Variants in FBXW7 observed in about 807,000 individuals in gnomAD.
FBXW7 encodes F-box and WD repeat domain containing 7, also known as F-box/WD repeat-containing protein 7.
In FBXW7, 11 loss-of-function variants were observed where a neutral mutation model predicts 86.3. The ratio of observed to expected loss-of-function variants is 0.13; its 90% CI spans 0.08 to 0.21. The LOEUF (loss-of-function observed/expected upper bound fraction) is 0.21. FBXW7 is among the 10% of genes least tolerant of loss of function. The pLI is 1.00. For synonymous variants in FBXW7, 313 were observed against 297.9 expected, an observed-to-expected ratio of 1.05 and a Z score of -0.52; for missense variants, 488 against 847.4, an observed-to-expected ratio of 0.58 and a Z score of 5.27.
chr4:152,420,702 T>C (rs1303124972), intron 2 of FBXW7, among the ~76,000 whole-genome samples: 1 of 152,204 alleles, frequency 6.6e-6, no homozygotes, highest in African/African-American at 2.4e-5. Context: ...ACCAGGTGCA[T>C]TGTCAGTGAG....
intron 4 of FBXW7, among the ~76,000 whole-genome samples, chr4:152,368,098 C>G (rs1236859597): frequency 6.6e-6 from 1 of 151,748 alleles, no homozygotes; most frequent in African/African-American, 2.4e-5. Context: ...TTAACGCACT[C>G]TGTTATTAGT....
chr4:152,356,917 T>G (rs866191727), intron 4 of FBXW7, among the ~76,000 whole-genome samples: 4 of 152,198 alleles, frequency 2.6e-5, no homozygotes, highest in Admixed American at 6.6e-5. Context: ...GCACAGAATA[T>G]TATATACATC....
intron 4 of FBXW7, chr4:152,352,886 T>C: frequency 1.4e-6 from 2 of 1,454,556 alleles, no homozygotes; most frequent in South Asian, 1.5e-5. Context: ...GAACACAGAA[T>C]GGTGCAGTCC....
At chr4:152,511,656 T>C (rs530083493) in intron 2 of FBXW7, among the ~76,000 whole-genome samples, 24 of 152,174 alleles carry the variant, frequency 1.6e-4, no homozygotes, top group African/African-American at 5.5e-4. Context: ...TCAAAAACAA[T>C]AGCATATTCA....
At chr4:152,371,386 T>G (rs925313900) in intron 4 of FBXW7, among the ~76,000 whole-genome samples, 1 of 151,908 alleles carries the variant, frequency 6.6e-6, no homozygotes, top group Admixed American at 6.6e-5. Flanking sequence ...GAAAGTTGTT[T>G]CACAAAAATA....
chr4:152,518,686 A>T (rs1748731057), intron 2 of FBXW7, among the ~76,000 whole-genome samples: 2 of 152,252 alleles, frequency 1.3e-5, no homozygotes, highest in Non-Finnish European at 2.9e-5. Context: ...GCAAAGTTCA[A>T]ATGTATTTAA....
At chr4:152,436,525 C>T (rs568744309) in intron 2 of FBXW7, among the ~76,000 whole-genome samples, 9 of 152,316 alleles carry the variant, frequency 5.9e-5, no homozygotes, top group African/African-American at 2.2e-4. Context: ...AGATCACTGA[C>T]GAAGGTGGCT....
intron 2 of FBXW7, among the ~76,000 whole-genome samples, chr4:152,475,760 G>C (rs932476219): frequency 3.3e-5 from 5 of 152,076 alleles, no homozygotes; most frequent in African/African-American, 1.2e-4. Context: ...ACTCACAATA[G>C]CATCTGGAAA....
At chr4:152,331,588 A>G (rs750070921) in intron 8 of FBXW7, among the ~76,000 whole-genome samples, 4 of 152,022 alleles carry the variant, frequency 2.6e-5, no homozygotes, top group Non-Finnish European at 4.4e-5. Flanking sequence ...GAGTTAGAAC[A>G]GGGGGCATGG....
intron 2 of FBXW7, among the ~76,000 whole-genome samples, chr4:152,508,306 C>T (rs147698143): frequency 9.2e-5 from 14 of 152,166 alleles, no homozygotes; most frequent in African/African-American, 3.4e-4. Flanking sequence ...AAATACATAA[C>T]AAGGGAAAGT....
At chr4:152,346,438 GCA>G (rs2126631251) in intron 6 of FBXW7, among the ~76,000 whole-genome samples, 1 of 152,266 alleles carries the variant, frequency 6.6e-6, no homozygotes, top group South Asian at 2.1e-4. Flanking sequence ...AAATGTCAGT[GCA>G]CAGTTACACA....
chr4:152,512,862 A>G (rs940600578), intron 2 of FBXW7, among the ~76,000 whole-genome samples: 1 of 152,084 alleles, frequency 6.6e-6, no homozygotes, highest in South Asian at 2.1e-4. Context: ...CCGAATATTT[A>G]TTTATTTATT....
At chr4:152,433,835 A>C (rs1175183477) in intron 2 of FBXW7, among the ~76,000 whole-genome samples, 2 of 152,238 alleles carry the variant, frequency 1.3e-5, no homozygotes. Flanking sequence ...TCTGAAAAAA[A>C]AATGATTGAC....
intron 2 of FBXW7, among the ~76,000 whole-genome samples, chr4:152,503,478 G>C (rs1747136754): frequency 6.6e-6 from 1 of 151,942 alleles, no homozygotes; most frequent in African/African-American, 2.4e-5. Flanking sequence ...TGTCATGTTG[G>C]CCAGGCTGGT....
At chr4:152,529,733 G>A (rs913048900) in intron 2 of FBXW7, among the ~76,000 whole-genome samples, 5 of 152,072 alleles carry the variant, frequency 3.3e-5, no homozygotes, top group African/African-American at 9.7e-5. Context: ...GAGGGAGGTC[G>A]AGGTAGATGG....
chr4:152,440,501 CA>C (rs2126981480), intron 2 of FBXW7, among the ~76,000 whole-genome samples: 1 of 152,184 alleles, frequency 6.6e-6, no homozygotes, highest in Non-Finnish European at 1.5e-5. Flanking sequence ...AAACTCTAAC[CA>C]AAATTTAATT....
chr4:152,463,176 T>C (rs1743105845), intron 2 of FBXW7, among the ~76,000 whole-genome samples: 1 of 151,676 alleles, frequency 6.6e-6, no homozygotes, highest in South Asian at 2.1e-4. Flanking sequence ...TAATCCCAGC[T>C]ACTTGGAGGC....
chr4:152,332,476 G>C, intron 8 of FBXW7, 120 bp downstream of exon 8: 1 of 1,056,948 alleles, frequency 9.5e-7, no homozygotes, highest in African/African-American at 1.6e-5. Context: ...TGAATGTGTA[G>C]AATAATCTGT....
chr4:152,476,604 C>T (rs1044867609), intron 2 of FBXW7, among the ~76,000 whole-genome samples: 6 of 152,036 alleles, frequency 3.9e-5, no homozygotes, highest in African/African-American at 9.7e-5. Context: ...TCAAACTCAA[C>T]AATAAGAAAG....
Sources: allele counts gnomAD v4.1 joint callset (sites outside exome capture counted in the v4.1 genomes callset), GRCh38; gene constraint gnomAD v4.1.1; transcripts MANE v1.5; gene names NCBI Gene and HGNC (gene_info 2026-07-23, HGNC 2026-07-21).